Variants in FCRL5 observed in about 807,000 individuals in gnomAD.
FCRL5 encodes Fc receptor like 5.
In FCRL5, 79 loss-of-function variants were observed where a neutral mutation model predicts 92.1. The ratio of observed to expected loss-of-function variants is 0.86; its 90% CI spans 0.72 to 1.03. The LOEUF (loss-of-function observed/expected upper bound fraction) is 1.03. FCRL5 is among the 50% of genes least tolerant of loss of function. The pLI is 0.00. For synonymous variants in FCRL5, 466 were observed against 469.3 expected (o/e 0.99, Z 0.09); for missense variants, 1,160 against 1,181.1 (o/e 0.98, Z 0.26).
chr1:157,515,925 C>G, intron 15 of FCRL5, 52 bp from the exon 16 acceptor site: 1 of 1,606,492 alleles, frequency 6.2e-7, no homozygotes, highest in Non-Finnish European at 8.5e-7. Flanking sequence ...GGGGCTCTTC[C>G]CTTGTGCCTG....
intron 9 of FCRL5, among the ~76,000 whole-genome samples, chr1:157,526,836 G>C (rs1385354139): frequency 2.6e-5 from 4 of 152,064 alleles, no homozygotes; most frequent in Admixed American, 6.5e-5. Flanking sequence ...AAGGCCAGGG[G>C]GTGGTTGTCA....
At chr1:157,530,190 G>C (rs1385553344) in intron 8 of FCRL5, among the ~76,000 whole-genome samples, 1 of 151,908 alleles carries the variant, frequency 6.6e-6, no homozygotes, top group Non-Finnish European at 1.5e-5. Context: ...ATAACATACT[G>C]GTCTACAACC....
Position 157,545,056 on chromosome 1 carries a change from A to G in FCRL5, c.334T>C (p.Ser112Pro), listed in dbSNP as rs778184090. Residue 112 changes from serine to proline, a missense_variant, in exon 4 of 17, where the codon TCT becomes CCT. By Grantham distance (74) the Ser-to-Pro change is moderately conservative. Transcript: ENST00000361835. The stretch of plus-strand genomic sequence containing the variant: ...ACCACAGAGTCTCCTTCAAACACAG[A>G]AAGTGGAGCTTGCAGGATCAGCGAA... ...SASLILQAPL[S>P]VFEGDSVVLR... The G allele has an allele frequency of 3.7e-6, 6 of 1,612,646 alleles. No homozygotes were observed. In the African/African-American group the frequency reaches 5.3e-5, roughly 14 times the overall value.
intron 10 of FCRL5, 199 bp downstream of exon 10, chr1:157,524,080 C>T (rs529274069): frequency 2.0e-5 from 11 of 563,610 alleles, no homozygotes; most frequent in Non-Finnish European, 3.5e-5. Context: ...TTCAAGAAGA[C>T]TGCTGGGAAA....
At chr1:157,545,613 C>T (rs902765976) in intron 3 of FCRL5, among the ~76,000 whole-genome samples, 7 of 145,578 alleles carry the variant, frequency 4.8e-5, no homozygotes, top group African/African-American at 1.8e-4. Flanking sequence ...ACTGCAAGCT[C>T]CATCTCCCGG....
rs1406442484 is a variant in FCRL5, at chr1:157,514,065, G to C, written c.*1610C>G. ...TCTGGTTTCCTCCTTGAAAGGTTGG[G>C]GCAGCAGAGCCAGCCCTGTCTATCT... On this transcript the variant is annotated 3_prime_UTR_variant, in exon 17 of 17. Transcript: ENST00000361835. The C allele has an allele frequency of 6.6e-6, 1 of 152,252 alleles. No homozygotes were observed. The highest frequency in any genetic ancestry group is 1.5e-5 in the Non-Finnish European group (1 of 68,080). 9.4% of individuals were successfully genotyped at this position (152,252 alleles called of 1,614,324 possible).
At chr1:157,548,936 T>C (rs1188427082) in intron 2 of FCRL5, among the ~76,000 whole-genome samples, 5 of 152,018 alleles carry the variant, frequency 3.3e-5, no homozygotes, top group African/African-American at 1.2e-4. Flanking sequence ...CATTACCAGG[T>C]ATATAACCAA....
rs766760827 is a variant in FCRL5 at position 157,521,267 on chromosome 1, G to T, written c.2265C>A (p.Thr755=). 50 of 1,613,186 alleles carry T rather than the reference G, an allele frequency of 3.1e-5. No individual in the cohort carries two copies. Among genetic ancestry groups the T allele is most frequent in the Non-Finnish European group, 8.5e-7 (1 of 1,179,736 alleles). The part of the protein sequence containing the change: ...VAVPVSRPVL[T]LRAPGTHAAV... ...CAGCATGGGTCCCGGGAGCCCTGAG[G>T]GTGAGGACCGGGCGAGACACCGGAA... Residue 755 remains threonine (T), a synonymous_variant, in exon 11 of 17, where the codon ACC becomes ACA. Coordinates refer to ENST00000361835, the MANE Select transcript of FCRL5 (RefSeq NM_031281.3).
At chr1:157,526,621 C>T (rs965627758) in intron 9 of FCRL5, among the ~76,000 whole-genome samples, 1 of 152,098 alleles carries the variant, frequency 6.6e-6, no homozygotes, top group African/African-American at 2.4e-5. Flanking sequence ...AGATGTTCAC[C>T]TATGGGGAGG....
Position 157,552,339 on chromosome 1 carries a change from C to G in FCRL5, c.24G>C (p.Leu8=), listed in dbSNP as rs747720233. Residue 8 remains leucine (L), a synonymous_variant, in exon 1 of 17, where the codon CTG becomes CTC. Transcript: ENST00000361835. The stretch of plus-strand genomic sequence containing the variant: ...GTGAGCCCTTTTACTCACCCAGGAC[C>G]AGTAATATCACCCACAGCAGCATGA... MLLWVIL[L]VLAPVSGQFA... The G allele has an allele frequency of 1.9e-6, 3 of 1,614,096 alleles. No individual in the cohort carries two copies. In the South Asian group the frequency reaches 3.3e-5, roughly 18 times the overall value.
rs1187617674 is a variant in FCRL5, at chr1:157,534,626, G to A, written c.1669C>T (p.Leu557Phe). 6.2e-7 allele frequency: 1 copy of A among 1,614,182 alleles called. No homozygotes were observed. Among genetic ancestry groups the A allele is most frequent in the Admixed American group, 1.7e-5 (1 of 60,024 alleles). Reference sequence around the variant, plus strand: ...ACCCAGCACTTACCAGTGACAAAAAGGCTCACCACTTCACTGCGCTGGGGA... The same window carrying A: ...ACCCAGCACTTACCAGTGACAAAAAAGCTCACCACTTCACTGCGCTGGGGA... ...FGPQRSEVVSLFVTVPVSRPI... is the reference protein window; with the variant it reads ...FGPQRSEVVSFFVTVPVSRPI... The change falls in exon 8 of 17, where the codon CTT (leucine) becomes TTT (phenylalanine). Residue 557 changes from leucine to phenylalanine, a missense_variant. Leu to Phe is a conservative substitution (Grantham distance 22). Transcript: ENST00000361835.
At position 157,552,321 on chromosome 1, in the gene FCRL5, C is replaced by CTTT; in HGVS notation, c.31+8_31+10dup. On this transcript the variant is annotated intron_variant, in intron 1 of 16. Coordinates refer to ENST00000361835, the MANE Select transcript of FCRL5 (RefSeq NM_031281.3). ...TCCCACCCAGGGCCCATGGTGAGCC[C>CTTT]TTTTACTCACCCAGGACCAGTAATA... is the stretch of plus-strand genomic sequence containing the variant. 1 of 1,613,852 alleles carries CTTT rather than the reference C, an allele frequency of 6.2e-7. No individual in the cohort carries two copies. The highest frequency in any genetic ancestry group is 8.5e-7 in the Non-Finnish European group (1 of 1,179,828).
At chr1:157,534,563 T>TG (rs200167525) in intron 8 of FCRL5, 51 bp downstream of exon 8, 22,177 of 1,608,664 alleles carry the variant, frequency 0.014, 193 homozygotes, top group Non-Finnish European at 0.017. Context: ...AAGGAATGGG[T>TG]GAGAGAGAAC....
chr1:157,539,283 T>C lies in FCRL5; in HGVS notation c.1205A>G (p.Glu402Gly), dbSNP rs745448087. The C allele has an allele frequency of 4.3e-6, 7 of 1,614,166 alleles. No individual in the cohort carries two copies. The highest frequency in any genetic ancestry group is 5.9e-6 in the Non-Finnish European group (7 of 1,180,022). Reference protein sequence around the residue: ...FEGAKVTLHCEAQRGSLPILY... With the variant: ...FEGAKVTLHCGAQRGSLPILY... ...GATGGGGAGTGAACCTCTCTGGGCT[T>C]CACAGTGAAGTGTCACCTTGGCTCC... The change falls in exon 7 of 17, where the codon GAA becomes GGA. Residue 402 changes from glutamate to glycine, a missense_variant. Physicochemically the swap from Glu to Gly is moderately conservative, Grantham distance 98. Coordinates refer to ENST00000361835, the MANE Select transcript of FCRL5 (RefSeq NM_031281.3).
chr1:157,515,667 G>T lies in FCRL5; in HGVS notation c.*8C>A, dbSNP rs373714991. Reference sequence around the variant, plus strand: ...AGGCTGAAACAGCAGTTGGAGAGACGTGTGGACTCATCTGTGAGGAGCTGA... The same window carrying T: ...AGGCTGAAACAGCAGTTGGAGAGACTTGTGGACTCATCTGTGAGGAGCTGA... On this transcript the variant is annotated 3_prime_UTR_variant, in exon 17 of 17. Transcript: ENST00000361835. 2.2e-5 allele frequency: 36 copies of T among 1,614,080 alleles called. No homozygotes were observed. Among genetic ancestry groups the T allele is most frequent in the African/African-American group, 6.7e-5 (5 of 74,938 alleles).
At chr1:157,549,186 C>CA (rs1354521648) in intron 2 of FCRL5, among the ~76,000 whole-genome samples, 1 of 149,086 alleles carries the variant, frequency 6.7e-6, no homozygotes, top group Admixed American at 6.8e-5. Context: ...ATTGCAAGGA[C>CA]AAAAAACCAA....
chr1:157,549,974 T>C (rs1368346658), intron 1 of FCRL5, among the ~76,000 whole-genome samples: 1 of 152,096 alleles, frequency 6.6e-6, no homozygotes, highest in East Asian at 1.9e-4. Flanking sequence ...TGTGTTTGTG[T>C]GTACATGTGT....
At chr1:157,536,342 G>C (rs1377161311) in intron 7 of FCRL5, among the ~76,000 whole-genome samples, 1 of 152,162 alleles carries the variant, frequency 6.6e-6, no homozygotes, top group Non-Finnish European at 1.5e-5. Flanking sequence ...TGACAGTGGG[G>C]CACACTCTCA....
At chr1:157,516,230 C>T (rs1460230333) in intron 15 of FCRL5, among the ~76,000 whole-genome samples, 1 of 152,240 alleles carries the variant, frequency 6.6e-6, no homozygotes, top group Non-Finnish European at 1.5e-5. Context: ...CACACTCCAT[C>T]AGGGTCTAGA....
Sources: gnomAD v4.1 joint callset for allele counts (sites outside exome capture counted in the v4.1 genomes callset) on GRCh38, gnomAD v4.1.1 for gene constraint, MANE v1.5 for transcripts, NCBI Gene and HGNC (gene_info 2026-07-23, HGNC 2026-07-21) for gene names.